The following RUBCN variants were observed in gnomAD, a reference collection of about 807,000 sequenced individuals.
RUBCN encodes run domain Beclin-1-interacting and cysteine-rich domain-containing protein.
Under a neutral mutation model 113.2 loss-of-function variants are expected in RUBCN, and 74 were observed. The observed-to-expected ratio is 0.65, with a 90% CI of 0.54 to 0.79. The LOEUF is 0.79. RUBCN is among the 30% of genes least tolerant of loss of function. The probability of loss-of-function intolerance (pLI) is 0.00; values close to 1 mark genes in which losing one functional copy is unlikely to be tolerated. For synonymous variants in RUBCN, 480 were observed against 490.0 expected (o/e 0.98, Z 0.27); for missense variants, 1,109 against 1,251.7 (o/e 0.89, Z 1.72).
intron 14 of RUBCN, 59 bp downstream of exon 14, chr3:197,682,411 C>T: frequency 1.2e-6 from 2 of 1,606,114 alleles, no homozygotes; most frequent in African/African-American, 1.3e-5. Context: ...AGACGAAAAC[C>T]CTGACAATCC....
Position 197,694,403 on chromosome 3 carries a change from G to C in RUBCN, c.1656C>G (p.Leu552=), listed in dbSNP as rs1312304274. The C allele has an allele frequency of 6.2e-7, 1 of 1,614,240 alleles. No homozygotes were observed. Residue 552 remains leucine, a synonymous_variant, in exon 10 of 20, where the codon CTC becomes CTG. Coordinates refer to ENST00000296343, the MANE Select transcript of RUBCN (RefSeq NM_014687.4). ...CGTGCTCAGCCTCCTGGTACATGGG[G>C]AGCAGGTTCTTGGTGCGGATTTGCT... is the stretch of plus-strand genomic sequence containing the variant. ...RRQQIRTKNL[L]PMYQEAEHGS...
intron 1 of RUBCN, among the ~76,000 whole-genome samples, chr3:197,721,707 T>G (rs1171490357): frequency 6.6e-6 from 1 of 152,154 alleles, no homozygotes; most frequent in Non-Finnish European, 1.5e-5. Context: ...TTCTACTTTT[T>G]GATATAGATG....
chr3:197,729,900 T>A (rs558294138), intron 1 of RUBCN, among the ~76,000 whole-genome samples: 127 of 151,220 alleles, frequency 8.4e-4, no homozygotes, highest in African/African-American at 3.0e-3. Flanking sequence ...AGTAGCTTTG[T>A]TTCTGAAAAA....
At chr3:197,693,979 CA>C (rs1722715204) in intron 10 of RUBCN, 163 bp from the exon 11 acceptor site, 2 of 625,498 alleles carry the variant, frequency 3.2e-6, no homozygotes, top group East Asian at 5.9e-5. Flanking sequence ...ATCTGGGAAG[CA>C]AATCTGGGAG....
At position 197,683,295 on chromosome 3, in the gene RUBCN, C is replaced by G; in HGVS notation, c.1980+12G>C. 6.2e-7 allele frequency: 1 copy of G among 1,614,162 alleles called. No individual in the cohort carries two copies. Among genetic ancestry groups the G allele is most frequent in the African/African-American group, 1.3e-5 (1 of 75,038 alleles). ...GATGGCCCCTGGGTAGGAAGAAGAG[C>G]TAAGGACCTACCTTCTGAGGGGCAT... On this transcript the variant is annotated intron_variant, in intron 13 of 19. Coordinates refer to ENST00000296343, the MANE Select transcript of RUBCN (RefSeq NM_014687.4). The surrounding 1 kb of genome is among the most constrained non-coding windows in gnomAD (Gnocchi z 4.6).
upstream of RUBCN, among the ~76,000 whole-genome samples, chr3:197,739,977 T>C (rs553040657): frequency 1.3e-5 from 2 of 152,006 alleles, no homozygotes; most frequent in Admixed American, 1.3e-4. Context: ...GAGGTAGAGG[T>C]TGCAGTGAGC....
chr3:197,677,146 C>A, intron 17 of RUBCN, 108 bp from the exon 18 acceptor site: 1 of 1,220,180 alleles, frequency 8.2e-7, no homozygotes, highest in East Asian at 2.4e-5. Flanking sequence ...GGTGGGCACC[C>A]ATCAGCCAGC....
intron 1 of RUBCN, among the ~76,000 whole-genome samples, chr3:197,748,599 A>G (rs1289134279): frequency 6.6e-6 from 1 of 152,250 alleles, no homozygotes; most frequent in Non-Finnish European, 1.5e-5. Flanking sequence ...AGCTGGAAAC[A>G]TAATCTGTGT....
rs1267974175 is a variant in RUBCN, at chr3:197,696,339, T to C, written c.1358-358A>G. Among the ~76,000 whole-genome samples the C allele has an allele frequency of 3.3e-5, 5 of 149,264 alleles. No homozygotes were observed. In the East Asian group the frequency reaches 1.0e-3, roughly 30 times the overall value. ...GTGAGCCAAGATCGCACCACTGCAC[T>C]CCAGCCTGGGCAACAAGAGCAAAAC... On this transcript the variant is annotated intron_variant, in intron 8 of 19. Transcript: ENST00000296343.
At position 197,676,920 on chromosome 3, in the gene RUBCN, T is replaced by A. The variant is rs1364180504; in HGVS notation, c.2611A>T (p.Thr871Ser). 6.2e-7 allele frequency: 1 copy of A among 1,614,196 alleles called. No individual in the cohort carries two copies. Among genetic ancestry groups the A allele is most frequent in the South Asian group, 1.1e-5 (1 of 91,086 alleles). The change falls in exon 18 of 20, where the codon ACC becomes TCC. Residue 871 changes from threonine to serine, a missense_variant. By Grantham distance (58) the Thr-to-Ser change is moderately conservative. Coordinates refer to ENST00000296343, the MANE Select transcript of RUBCN (RefSeq NM_014687.4). Reference protein sequence around the residue: ...GELGPRLAELTRAGATHVERC... With the variant: ...GELGPRLAELSRAGATHVERC... Reference sequence around the variant, plus strand: ...TCCACATGGGTAGCCCCTGCCCTGGTGAGCTCAGCAAGCCGGGGCCCCAGC... The same window carrying A: ...TCCACATGGGTAGCCCCTGCCCTGGAGAGCTCAGCAAGCCGGGGCCCCAGC...
chr3:197,712,675 G>A (rs1156357365), intron 2 of RUBCN, among the ~76,000 whole-genome samples: 1 of 152,126 alleles, frequency 6.6e-6, no homozygotes, highest in Non-Finnish European at 1.5e-5. Context: ...AAATCTGCCT[G>A]ATTAGCTCTG....
Position 197,672,966 on chromosome 3 carries a change from C to CA in RUBCN, c.*2051dup, listed in dbSNP as rs1333320930. The CA allele has an allele frequency of 6.6e-6, 1 of 152,404 alleles. No homozygotes were observed. Among genetic ancestry groups the CA allele is most frequent in the East Asian group, 1.9e-4 (1 of 5,206 alleles). The allele number at this position is 152,404 out of a possible 1,614,324, so 9.4% of individuals were successfully genotyped here. A position where few individuals can be genotyped will look rare whatever the true frequency, so the allele number is the denominator to read the frequency against. On this transcript the variant is annotated 3_prime_UTR_variant, in exon 20 of 20. Transcript: ENST00000296343. ...CTGGCCTCCCAAAGTGCTGGGATTA[C>CA]AGGTGTGAGCCACTGTGCCTGGCCT...
At chr3:197,743,192 A>C (rs59508279) in intron 1 of RUBCN, among the ~76,000 whole-genome samples, 2 of 151,842 alleles carry the variant, frequency 1.3e-5, no homozygotes, top group East Asian at 3.9e-4. Flanking sequence ...CTATGCCTGC[A>C]ACCCCGTCTG....
Position 197,671,101 on chromosome 3 carries a change from G to A in RUBCN, c.*3917C>T, listed in dbSNP as rs112879086. On this transcript the variant is annotated 3_prime_UTR_variant, in exon 20 of 20. Coordinates refer to ENST00000296343, the MANE Select transcript of RUBCN (RefSeq NM_014687.4). ...GCAAGCTTGGCTCACTGCAGCCCTC[G>A]CCTTCCAGGTTCAAGTGATTCTCAT... Among the ~76,000 whole-genome samples the A allele has an allele frequency of 9.3e-3, 1,409 of 152,226 alleles. 16 individuals carry two copies. The highest frequency in any genetic ancestry group is 0.042 in the East Asian group (220 of 5,186).
chr3:197,722,355 T>C (rs1021342845), intron 1 of RUBCN, among the ~76,000 whole-genome samples: 6 of 152,134 alleles, frequency 3.9e-5, no homozygotes, highest in African/African-American at 9.7e-5. Context: ...GATGGTTCCA[T>C]GTGCTGCTGA....
At chr3:197,688,131 A>G (rs2108867875) in intron 11 of RUBCN, among the ~76,000 whole-genome samples, 1 of 152,250 alleles carries the variant, frequency 6.6e-6, no homozygotes, top group East Asian at 1.9e-4. Context: ...GGTTCAAGCA[A>G]TTCTCCTGCC....
In RUBCN at chr3:197,683,436, G is replaced by A; in HGVS notation, c.1851C>T (p.Ser617=). 3 of 1,614,088 alleles carry A rather than the reference G, an allele frequency of 1.9e-6. No homozygotes were observed. Among genetic ancestry groups the A allele is most frequent in the Admixed American group, 1.7e-5 (1 of 60,026 alleles). ...SKSFVSSQSF[S]HCFLHSTSAE... ...CAGACGTGGAGTGCAGGAAGCAGTG[G>A]GAGCTGGAAAGGGGAGAATCAAGGA... The change falls in exon 13 of 20, where the codon TCC becomes TCT. Residue 617 remains serine (S), a synonymous_variant. Coordinates refer to ENST00000296343, the MANE Select transcript of RUBCN (RefSeq NM_014687.4). This position sits in a 1 kb window ranked among gnomAD's most constrained non-coding sequence, Gnocchi z 4.6.
At chr3:197,718,530 G>C (rs1725795652) in intron 1 of RUBCN, among the ~76,000 whole-genome samples, 1 of 152,078 alleles carries the variant, frequency 6.6e-6, no homozygotes, top group Non-Finnish European at 1.5e-5. Context: ...GCTCACTGTA[G>C]CCTCAACCTC....
intron 11 of RUBCN, among the ~76,000 whole-genome samples, chr3:197,684,685 T>C (rs925113640): frequency 1.5e-4 from 22 of 151,394 alleles, no homozygotes; most frequent in African/African-American, 5.1e-4. Context: ...CACACATATA[T>C]ACACATATAT....
Sources: gnomAD v4.1 joint callset for allele counts (sites outside exome capture counted in the v4.1 genomes callset) on GRCh38, gnomAD v4.1.1 for gene constraint, Gnocchi (gnomAD v3.1) non-coding constraint, MANE v1.5 for transcripts, NCBI Gene and HGNC (gene_info 2026-07-23, HGNC 2026-07-21) for gene names.